Variants in SRGAP3 observed in about 807,000 individuals in gnomAD.
The protein encoded by SRGAP3 is SLIT-ROBO Rho GTPase activating protein 3.
A neutral mutation model predicts 121.1 loss-of-function variants in SRGAP3; 39 were observed. The observed-to-expected ratio is 0.32, with a 90% CI of 0.25 to 0.42. The LOEUF is 0.42. SRGAP3 is among the 10% of genes least tolerant of loss of function. The pLI is 1.00. For synonymous variants in SRGAP3, 601 were observed against 570.0 expected, an observed-to-expected ratio of 1.05 and a Z score of -0.77; for missense variants, 1,213 against 1,470.6, an observed-to-expected ratio of 0.82 and a Z score of 2.86.
intron 1 of SRGAP3, among the ~76,000 whole-genome samples, chr3:9,342,605 T>C (rs1559285260): frequency 6.6e-6 from 1 of 152,250 alleles, no homozygotes; most frequent in Admixed American, 6.5e-5. Flanking sequence ...CATCTTGTTA[T>C]ACCATGGGTG....
intron 14 of SRGAP3, among the ~76,000 whole-genome samples, chr3:9,019,042 T>C (rs1372578904): frequency 6.6e-6 from 1 of 152,238 alleles, no homozygotes; most frequent in East Asian, 1.9e-4. Context: ...TCTTCCTCTA[T>C]TTATTATTTT....
chr3:9,098,531 C>A, intron 3 of SRGAP3, among the ~76,000 whole-genome samples: 1 of 152,204 alleles, frequency 6.6e-6, no homozygotes, highest in Admixed American at 6.5e-5. Flanking sequence ...TCCCAAAGTG[C>A]TGGGATCACA....
At chr3:9,283,664 A>G (rs1226847193) in intron 3 of SRGAP3, among the ~76,000 whole-genome samples, 1 of 152,244 alleles carries the variant, frequency 6.6e-6, no homozygotes, top group Non-Finnish European at 1.5e-5. Context: ...AGCTAGAGCA[A>G]TTACGGTCTT....
At chr3:9,017,483 A>C (rs982622987) in intron 14 of SRGAP3, among the ~76,000 whole-genome samples, 1 of 152,142 alleles carries the variant, frequency 6.6e-6, no homozygotes, top group Non-Finnish European at 1.5e-5. Context: ...GCTTTTGTTT[A>C]TGTTATTGTT....
At chr3:9,326,447 A>G (rs547603317) in intron 2 of SRGAP3, among the ~76,000 whole-genome samples, 2 of 152,010 alleles carry the variant, frequency 1.3e-5, no homozygotes, top group African/African-American at 4.8e-5. Flanking sequence ...ACAATGTATA[A>G]GTCACCACAT....
chr3:9,072,728 C>G (rs987087809), intron 4 of SRGAP3, among the ~76,000 whole-genome samples: 4 of 152,254 alleles, frequency 2.6e-5, no homozygotes, highest in Admixed American at 6.5e-5. Context: ...CTATCTGGCA[C>G]TGGGTCAGTG....
intron 6 of SRGAP3, chr3:9,058,723 T>C (rs1945968934): frequency 2.1e-6 from 1 of 481,744 alleles, no homozygotes; most frequent in Non-Finnish European, 3.8e-6. Flanking sequence ...TCTTTTTTTT[T>C]TTTTTTTTTT....
At chr3:8,988,983 G>C (rs1309938647) in intron 21 of SRGAP3, among the ~76,000 whole-genome samples, 1 of 152,290 alleles carries the variant, frequency 6.6e-6, no homozygotes, top group Middle Eastern at 3.4e-3. Context: ...CATGGCCCGG[G>C]GGCTGGGGGT....
At chr3:9,003,476 C>G (rs1942879338) in intron 18 of SRGAP3, among the ~76,000 whole-genome samples, 1 of 65,992 alleles carries the variant, frequency 1.5e-5, no homozygotes, top group Non-Finnish European at 3.1e-5. Flanking sequence ...GAGATTCCAT[C>G]TCAAAACAAA....
intron 1 of SRGAP3, among the ~76,000 whole-genome samples, chr3:9,343,316 C>T (rs1575020279): frequency 2.0e-5 from 3 of 152,278 alleles, no homozygotes; most frequent in Non-Finnish European, 2.9e-5. Context: ...TTATAGTCCT[C>T]GTAGGGCTGT....
intron 1 of SRGAP3, among the ~76,000 whole-genome samples, chr3:9,191,116 T>A (rs897943814): frequency 6.6e-6 from 1 of 152,028 alleles, no homozygotes; most frequent in African/African-American, 2.4e-5. Flanking sequence ...ATCCCACAAG[T>A]CTCTGGAGAC....
chr3:9,195,990 G>A (rs1226958100), intron 1 of SRGAP3, among the ~76,000 whole-genome samples: 4 of 152,072 alleles, frequency 2.6e-5, no homozygotes, highest in African/African-American at 9.7e-5. Flanking sequence ...GAACCCAATC[G>A]AAAATACTTG....
intron 3 of SRGAP3, among the ~76,000 whole-genome samples, chr3:9,091,252 G>C (rs1298609541): frequency 6.6e-6 from 1 of 151,950 alleles, no homozygotes; most frequent in Non-Finnish European, 1.5e-5. Flanking sequence ...GCGTCAGCCA[G>C]CCCCCTGTCT....
intron 1 of SRGAP3, among the ~76,000 whole-genome samples, chr3:9,206,460 G>A (rs755682104): frequency 2.6e-5 from 4 of 152,104 alleles, no homozygotes; most frequent in Non-Finnish European, 5.9e-5. Context: ...TCTATTCTCA[G>A]CACAACAGTC....
intron 8 of SRGAP3, among the ~76,000 whole-genome samples, chr3:9,054,060 T>A (rs377259597): frequency 2.9e-4 from 44 of 152,356 alleles, no homozygotes; most frequent in African/African-American, 1.0e-3. Flanking sequence ...ACTCAGTGCC[T>A]ATTACTGTCT....
chr3:8,985,845 GCAC>G lies in SRGAP3; in HGVS notation c.2971_2973del (p.Val991del), dbSNP rs1340775838. On this transcript the variant is annotated inframe_deletion, in exon 22 of 22. Transcript: ENST00000383836. This position sits in a 1 kb window ranked among gnomAD's most constrained non-coding sequence, Gnocchi z 5.1. ...TTCTTCAGGGGCTCCAGGGTGTCCA[GCAC>G]CACATCTGGCGCCTGCTTGACCGTG... 1 of 1,600,432 alleles carries G rather than the reference GCAC, an allele frequency of 6.2e-7. No homozygotes were observed. The highest frequency in any genetic ancestry group is 8.5e-7 in the Non-Finnish European group (1 of 1,179,932).
Position 9,163,151 on chromosome 3 carries a change from C to G in SRGAP3, c.68-38234G>C, listed in dbSNP as rs529472469. Among the ~76,000 whole-genome samples the G allele has an allele frequency of 4.6e-4, 70 of 152,304 alleles. 1 individual carries two copies. The highest frequency in any genetic ancestry group is 3.4e-3 in the Middle Eastern group (1 of 294). ...CAATCGCTGTTAACATCATCTGGCC[C>G]AGGCCTCAGTCTGTCCAGGCTGCCC... On this transcript the variant is annotated intron_variant, in intron 1 of 21. Transcript: ENST00000383836.
intron 1 of SRGAP3, among the ~76,000 whole-genome samples, chr3:9,233,891 G>T (rs1953312307): frequency 6.6e-6 from 1 of 152,172 alleles, no homozygotes; most frequent in Admixed American, 6.5e-5. Context: ...ATAAATATTT[G>T]TTAAGCTAAA....
At chr3:9,071,646 GGA>G (rs1365534350) in intron 4 of SRGAP3, among the ~76,000 whole-genome samples, 2 of 79,384 alleles carry the variant, frequency 2.5e-5, no homozygotes, top group African/African-American at 8.4e-5. Context: ...AAAGGTGGAT[GGA>G]TGGATGGATG....
Sources: gnomAD v4.1 joint callset for allele counts (sites outside exome capture counted in the v4.1 genomes callset) on GRCh38, gnomAD v4.1.1 for gene constraint, Gnocchi (gnomAD v3.1) non-coding constraint, MANE v1.5 for transcripts, NCBI Gene and HGNC (gene_info 2026-07-23, HGNC 2026-07-21) for gene names.